Variants in KLHL33 observed in about 807,000 individuals in gnomAD.
KLHL33 encodes the protein kelch like family member 33, also known as kelch-like protein 33.
KLHL33 carries 46 observed loss-of-function variants against 60.8 expected under a neutral mutation model. The ratio of observed to expected loss-of-function variants is 0.76; its 90% CI spans 0.60 to 0.97. The LOEUF is 0.97. KLHL33 is among the 50% of genes least tolerant of loss of function. KLHL33 has a pLI of 0.00. For synonymous variants in KLHL33, 434 were observed against 432.2 expected (o/e 1.00, Z -0.05); for missense variants, 1,055 against 1,000.0 (o/e 1.05, Z -0.74).
intron 2 of KLHL33, among the ~76,000 whole-genome samples, chr14:20,433,216 C>A (rs1192807953): frequency 6.6e-6 from 1 of 152,084 alleles, no homozygotes; most frequent in Non-Finnish European, 1.5e-5. Flanking sequence ...GTTGTTAAAT[C>A]TGGGTGATGG....
At chr14:20,430,743 A>G in intron 2 of KLHL33, 24 bp from the exon 3 acceptor site, 2 of 1,460,080 alleles carry the variant, frequency 1.4e-6, no homozygotes, top group Non-Finnish European at 1.8e-6. Context: ...GAAGGAATAG[A>G]GGAGGACTCA....
intron 2 of KLHL33, among the ~76,000 whole-genome samples, chr14:20,432,926 A>AAAAAGAAAGAAAG (rs1555330502): frequency 2.9e-5 from 3 of 104,672 alleles, no homozygotes; most frequent in African/African-American, 7.6e-5. Flanking sequence ...CATCTCAAAA[A>AAAAAGAAAGAAAG]AAAGAAAGAA....
Position 20,428,845 on chromosome 14 carries a change from C to G in KLHL33, c.*4G>C, listed in dbSNP as rs1468494346. On this transcript the variant is annotated 3_prime_UTR_variant, in exon 5 of 5. Transcript: ENST00000636854. ...TCCTCTCCCCATACACTGTTGCTCC[C>G]TCTTCACCCAGCAGGTTTGGTTTGG... 9 of 1,548,352 alleles carry G rather than the reference C, an allele frequency of 5.8e-6. No homozygotes were observed. The highest frequency in any genetic ancestry group is 7.0e-6 in the Non-Finnish European group (8 of 1,144,648).
In KLHL33 at chr14:20,430,048, C is replaced by T; in HGVS notation, c.1420G>A (p.Ala474Thr). Reference protein sequence around the residue: ...GQERRREPDRALVVIGGDGLR... With the variant: ...GQERRREPDRTLVVIGGDGLR... Reference sequence around the variant, plus strand: ...CCATCCCCGCCAATCACTACCAGTGCCCGGTCAGGCTCCCTCCGTCTCTCT... The same window carrying T: ...CCATCCCCGCCAATCACTACCAGTGTCCGGTCAGGCTCCCTCCGTCTCTCT... Residue 474 changes from alanine (A) to threonine (T), a missense_variant, in exon 3 of 5, where the codon GCA becomes ACA. Transcript: ENST00000636854. 6.4e-7 allele frequency: 1 copy of T among 1,551,762 alleles called. No homozygotes were observed. Among genetic ancestry groups the T allele is most frequent in the Non-Finnish European group, 8.7e-7 (1 of 1,147,018 alleles).
In KLHL33 at chr14:20,436,097, A is replaced by G; in HGVS notation, c.-20+2T>C. 3.6e-6 allele frequency: 1 copy of G among 274,834 alleles called. No individual in the cohort carries two copies. 17.0% of individuals were successfully genotyped at this position (274,834 alleles called of 1,614,324 possible). On this transcript the variant is annotated splice_donor_variant, in intron 1 of 4. Transcript: ENST00000636854. LOFTEE classifies it low-confidence loss of function (5UTR_SPLICE). ...CCCTATTGCCCCCATCCTTTTAGTC[A>G]CCCTCAGGAGACACCAGCGTTCCGC...
chr14:20,426,510 A>AAAGAAAAAGAAAAAGAAAAG lies in KLHL33; in HGVS notation c.*2338_*2339insCTTTTCTTTTTCTTTTTCTT. The AAAGAAAAAGAAAAAGAAAAG allele has an allele frequency of 6.9e-6, 1 of 144,740 alleles. No individual in the cohort carries two copies. The highest frequency in any genetic ancestry group is 1.5e-5 in the Non-Finnish European group (1 of 66,838). The allele number at this position is 144,740 out of a possible 1,614,324, so 9.0% of individuals were successfully genotyped here. On this transcript the variant is annotated 3_prime_UTR_variant, in exon 5 of 5. Transcript: ENST00000636854. ...ACTCTGTCTCAAAAAAAAAAAAAAA[A>AAAGAAAAAGAAAAAGAAAAG]AAAAGAAAAAGAAAATTGACAACAG...
intron 2 of KLHL33, among the ~76,000 whole-genome samples, chr14:20,431,932 G>A (rs571651912): frequency 3.3e-5 from 5 of 152,126 alleles, no homozygotes; most frequent in African/African-American, 7.2e-5. Flanking sequence ...ATTAACCTAC[G>A]CTGTTAAACA....
chr14:20,432,131 T>C (rs978514424), intron 2 of KLHL33, among the ~76,000 whole-genome samples: 1 of 151,508 alleles, frequency 6.6e-6, no homozygotes, highest in Non-Finnish European at 1.5e-5. Context: ...TTTTTTTTTT[T>C]TGAGATAGGG....
chr14:20,435,477 A>G lies in KLHL33; in HGVS notation c.335T>C (p.Leu112Ser). Residue 112 changes from leucine to serine, a missense_variant, in exon 2 of 5, where the codon TTG becomes TCG. Leu to Ser is a moderately radical substitution (Grantham distance 145). Coordinates refer to ENST00000636854, the MANE Select transcript of KLHL33 (RefSeq NM_001365790.2). Reference protein sequence around the residue: ...EAQRLREQRLLLDEEVSVAGR... With the variant: ...EAQRLREQRLSLDEEVSVAGR... ...CGCGACTGACACCTCTTCGTCCAGC[A>G]ACAGTCTCTGCTCCCGCAGCCGCTG... 8.1e-7 allele frequency: 1 copy of G among 1,234,570 alleles called. No individual in the cohort carries two copies. Among genetic ancestry groups the G allele is most frequent in the Non-Finnish European group, 1.0e-6 (1 of 988,298 alleles). 76.5% of individuals were successfully genotyped at this position (1,234,570 alleles called of 1,614,324 possible).
rs1880311092 is a variant in KLHL33, at chr14:20,427,179, A to G, written c.*1670T>C. ...GCACATGTACCCTAAAACTTAAAGT[A>G]TAATAATAATAAAATAAAATAAATT... On this transcript the variant is annotated 3_prime_UTR_variant, in exon 5 of 5. Coordinates refer to ENST00000636854, the MANE Select transcript of KLHL33 (RefSeq NM_001365790.2). The G allele has an allele frequency of 6.6e-6, 1 of 150,862 alleles. No individual in the cohort carries two copies. The highest frequency in any genetic ancestry group is 1.5e-5 in the Non-Finnish European group (1 of 67,780). The allele number at this position is 150,862 out of a possible 1,614,324, so 9.3% of individuals were successfully genotyped here.
chr14:20,433,293 G>A (rs1166312305), intron 2 of KLHL33, among the ~76,000 whole-genome samples: 3 of 152,144 alleles, frequency 2.0e-5, no homozygotes, highest in Admixed American at 6.5e-5. Flanking sequence ...AAAGGTGGGG[G>A]GTAATGCTCC....
rs1441647410 is a variant in KLHL33, at chr14:20,427,655, A to G, written c.*1194T>C. The G allele has an allele frequency of 6.6e-6, 1 of 152,174 alleles. No homozygotes were observed. Among genetic ancestry groups the G allele is most frequent in the Non-Finnish European group, 1.5e-5 (1 of 68,036 alleles). The allele number at this position is 152,174 out of a possible 1,614,324, so 9.4% of individuals were successfully genotyped here. The stretch of plus-strand genomic sequence containing the variant: ...TCTCGCAAGACTCGTCCATACATGT[A>G]AGTCCACTCAAAATTTGTATTTGTT... On this transcript the variant is annotated 3_prime_UTR_variant, in exon 5 of 5. Transcript: ENST00000636854.
rs775804966 is a variant in KLHL33, at chr14:20,429,108, A to G, written c.2135T>C (p.Leu712Pro). Reference protein sequence around the residue: ...YELRTDSWTHLAPLPSPHVGA... With the variant: ...YELRTDSWTHPAPLPSPHVGA... ...CACATGGGGGGAGGGTAGGGGTGCC[A>G]GGTGAGTCCAGCTATCAGTCCTTAG... The change falls in exon 5 of 5, where the codon CTG becomes CCG. Residue 712 changes from leucine to proline, a missense_variant. Transcript: ENST00000636854. The G allele has an allele frequency of 4.5e-6, 7 of 1,551,604 alleles. No individual in the cohort carries two copies. In the South Asian group the frequency reaches 8.3e-5, roughly 18 times the overall value.
At position 20,428,866 on chromosome 14, in the gene KLHL33, T is replaced by C; in HGVS notation, c.2377A>G (p.Thr793Ala). 1 of 1,550,582 alleles carries C rather than the reference T, an allele frequency of 6.4e-7. No homozygotes were observed. Among genetic ancestry groups the C allele is most frequent in the Non-Finnish European group, 8.7e-7 (1 of 1,146,152 alleles). ...HIALVPTPHQTKPAG is the reference protein window; with the variant it reads ...HIALVPTPHQAKPAG ...CTCCCTCTTCACCCAGCAGGTTTGGTTTGGTGTGGGGTGGGAACCAAAGCT... is the reference window on the plus strand; with the variant it reads ...CTCCCTCTTCACCCAGCAGGTTTGGCTTGGTGTGGGGTGGGAACCAAAGCT... Residue 793 changes from threonine (T) to alanine (A), a missense_variant, in exon 5 of 5, where the codon ACC (threonine) becomes GCC (alanine). Coordinates refer to ENST00000636854, the MANE Select transcript of KLHL33 (RefSeq NM_001365790.2).
At position 20,434,621 on chromosome 14, in the gene KLHL33, T is replaced by C. The variant is rs541995935; in HGVS notation, c.748+443A>G. On this transcript the variant is annotated intron_variant, in intron 2 of 4. Coordinates refer to ENST00000636854, the MANE Select transcript of KLHL33 (RefSeq NM_001365790.2). ...GCTCATTAGCTGCAGGGCCCATAAG[T>C]CAGCCATGGCGTCAAGCACACCAAG... Among the ~76,000 whole-genome samples, 196 of 151,812 alleles carry C rather than the reference T, an allele frequency of 1.3e-3. 1 individual carries two copies. Among genetic ancestry groups the C allele is most frequent in the African/African-American group, 4.6e-3 (190 of 41,348 alleles).
At chr14:20,433,510 T>C (rs1262533924) in intron 2 of KLHL33, among the ~76,000 whole-genome samples, 2 of 152,142 alleles carry the variant, frequency 1.3e-5, no homozygotes, top group Non-Finnish European at 2.9e-5. Context: ...TCTGAGAAAA[T>C]CTGCATTCCT....
Position 20,428,734 on chromosome 14 carries a change from A to C in KLHL33, c.*115T>G. The C allele has an allele frequency of 5.4e-6, 5 of 920,772 alleles. No individual in the cohort carries two copies. The highest frequency in any genetic ancestry group is 8.2e-6 in the Non-Finnish European group (5 of 611,322). The allele number at this position is 920,772 out of a possible 1,614,324, so 57.0% of individuals were successfully genotyped here. On this transcript the variant is annotated 3_prime_UTR_variant, in exon 5 of 5. Coordinates refer to ENST00000636854, the MANE Select transcript of KLHL33 (RefSeq NM_001365790.2). ...CGTACAAAAGCAGTTTACAATGCAC[A>C]GTGTGAGAATAAAATACTACCAAGA...
Position 20,435,815 on chromosome 14 carries a change from G to T in KLHL33, c.-4C>A, listed in dbSNP as rs1462835440. The T allele has an allele frequency of 4.1e-6, 5 of 1,234,216 alleles. No homozygotes were observed. Among genetic ancestry groups the T allele is most frequent in the Non-Finnish European group, 5.1e-6 (5 of 988,428 alleles). 76.5% of individuals were successfully genotyped at this position (1,234,216 alleles called of 1,614,324 possible). ...GTGGGGTGTCCGAGACGCTCATGCCGAGGTTTGCTGGATAGCTGCAGGTGA... is the reference window on the plus strand; with the variant it reads ...GTGGGGTGTCCGAGACGCTCATGCCTAGGTTTGCTGGATAGCTGCAGGTGA... On this transcript the variant is annotated 5_prime_UTR_variant, in exon 2 of 5. Coordinates refer to ENST00000636854, the MANE Select transcript of KLHL33 (RefSeq NM_001365790.2).
At chr14:20,433,713 T>C (rs1457040529) in intron 2 of KLHL33, among the ~76,000 whole-genome samples, 2 of 152,218 alleles carry the variant, frequency 1.3e-5, no homozygotes, top group African/African-American at 4.8e-5. Flanking sequence ...TGAGTATGCT[T>C]AAATTCAAAA....
Sources: gnomAD v4.1 joint callset for allele counts (sites outside exome capture counted in the v4.1 genomes callset) on GRCh38, gnomAD v4.1.1 for gene constraint, MANE v1.5 for transcripts, NCBI Gene and HGNC (gene_info 2026-07-23, HGNC 2026-07-21) for gene names.